Variants in CD200 observed in about 807,000 individuals in gnomAD.
The protein encoded by CD200 is CD200 molecule, also known as OX-2 membrane glycoprotein.
CD200 carries 15 observed loss-of-function variants against 30.9 expected under a neutral mutation model. The ratio of observed to expected loss-of-function variants is 0.49; its 90% CI spans 0.32 to 0.75. The LOEUF (loss-of-function observed/expected upper bound fraction) is 0.75. Among genes scored for constraint, CD200 ranks in the 30% least tolerant of loss-of-function variants. The probability of loss-of-function intolerance (pLI) is 0.03; values close to 1 mark genes in which losing one functional copy is unlikely to be tolerated. For missense variants in CD200, 262 were observed against 324.2 expected, an observed-to-expected ratio of 0.81 and a Z score of 1.47; for synonymous variants, 134 against 126.2, an observed-to-expected ratio of 1.06 and a Z score of -0.41.
chr3:112,358,088 A>G (rs975401405), intron 5 of CD200, among the ~76,000 whole-genome samples: 7 of 152,000 alleles, frequency 4.6e-5, no homozygotes, highest in Non-Finnish European at 8.8e-5. Context: ...ACGCGCACAC[A>G]CACGCACACG....
In CD200 at chr3:112,362,552, T is replaced by C. The variant is rs1256161009; in HGVS notation, c.*1002T>C. 1.3e-5 allele frequency: 2 copies of C among 152,644 alleles called. No homozygotes were observed. The highest frequency in any genetic ancestry group is 3.9e-4 in the East Asian group (2 of 5,194). 9.5% of individuals were successfully genotyped at this position (152,644 alleles called of 1,614,324 possible). On this transcript the variant is annotated 3_prime_UTR_variant, in exon 6 of 6. Transcript: ENST00000315711. ...ATAGCAGAGGAGGCAAATATGAGCA[T>C]ACAATCCCTTTGTTCTAAAGATATT...
At position 112,362,259 on chromosome 3, in the gene CD200, A is replaced by G. The variant is rs989888325; in HGVS notation, c.*709A>G. On this transcript the variant is annotated 3_prime_UTR_variant, in exon 6 of 6. Coordinates refer to ENST00000315711, the MANE Select transcript of CD200 (RefSeq NM_005944.7). ...GAATTTATTGTGAAGTAACATTGGC[A>G]ATCTTAACTTATTCATTTAACTTAT... 1 of 152,232 alleles carries G rather than the reference A, an allele frequency of 6.6e-6. No individual in the cohort carries two copies. Among genetic ancestry groups the G allele is most frequent in the African/African-American group, 2.4e-5 (1 of 41,456 alleles). The allele number at this position is 152,232 out of a possible 1,614,324, so 9.4% of individuals were successfully genotyped here.
rs2081744096 is a variant in CD200, at chr3:112,361,628, G to A, written c.*78G>A. The A allele has an allele frequency of 3.8e-6, 5 of 1,326,688 alleles. No individual in the cohort carries two copies. 82.2% of individuals were successfully genotyped at this position (1,326,688 alleles called of 1,614,324 possible). ...CAAGAGAAAAGCAGGAGGAAAAGGG[G>A]CCATTCTCCAAAGGACCTGAAAGAG... On this transcript the variant is annotated 3_prime_UTR_variant, in exon 6 of 6. Coordinates refer to ENST00000315711, the MANE Select transcript of CD200 (RefSeq NM_005944.7).
chr3:112,334,209 A>G, intron 1 of CD200: 1 of 985,370 alleles, frequency 1.0e-6, no homozygotes, highest in Non-Finnish European at 1.2e-6. Context: ...AGTCCTTGTG[A>G]CTACATGTGG....
At chr3:112,353,195 G>A (rs2081566630) in intron 5 of CD200, among the ~76,000 whole-genome samples, 1 of 152,058 alleles carries the variant, frequency 6.6e-6, no homozygotes, top group Non-Finnish European at 1.5e-5. Flanking sequence ...TTTCTCATTA[G>A]TCAACCCACC....
At chr3:112,357,156 G>A (rs748146389) in intron 5 of CD200, among the ~76,000 whole-genome samples, 3 of 151,534 alleles carry the variant, frequency 2.0e-5, no homozygotes, top group Non-Finnish European at 2.9e-5. Context: ...AGCTACTCGG[G>A]AGGCTGAGGC....
In CD200 at chr3:112,356,488, G is replaced by A. The variant is rs1419524974; in HGVS notation, c.803-5055G>A. On this transcript the variant is annotated intron_variant, in intron 5 of 5. Transcript: ENST00000315711. ...TTGCCTCACATACTTATTTTTTTGT[G>A]GTATGAACACATAAAATCTACTCTG... Among the ~76,000 whole-genome samples, 7 of 151,756 alleles carry A rather than the reference G, an allele frequency of 4.6e-5. No homozygotes were observed. The East Asian group carries it at 1.3e-3, about 29-fold the overall frequency.
chr3:112,342,354 T>C (rs746320109), intron 2 of CD200, among the ~76,000 whole-genome samples: 7,451 of 18,402 alleles, frequency 0.4, 1,613 homozygotes, highest in Middle Eastern at 0.47. Flanking sequence ...TCTTTCTTTC[T>C]TTCTTTCTTT....
At chr3:112,347,099 T>G (rs80091595) in intron 3 of CD200, among the ~76,000 whole-genome samples, 3,446 of 152,342 alleles carry the variant, frequency 0.023, 54 homozygotes, top group Non-Finnish European at 0.03. Flanking sequence ...ATGGGCTCTC[T>G]GTTCCAAAAC....
At chr3:112,338,554 A>G (rs2081169870) in intron 1 of CD200, among the ~76,000 whole-genome samples, 1 of 152,190 alleles carries the variant, frequency 6.6e-6, no homozygotes, top group African/African-American at 2.4e-5. Context: ...GCATGTTTGT[A>G]GGTGCTGAGC....
At chr3:112,343,821 C>CT (rs2081323911) in intron 2 of CD200, among the ~76,000 whole-genome samples, 1 of 152,064 alleles carries the variant, frequency 6.6e-6, no homozygotes, top group East Asian at 1.9e-4. Flanking sequence ...TTGAAAAATA[C>CT]TTTTTCCCTT....
intron 5 of CD200, among the ~76,000 whole-genome samples, chr3:112,357,271 A>AAAAAGAAAGAAAG (rs1553720695): frequency 7.2e-5 from 10 of 139,738 alleles, no homozygotes; most frequent in Non-Finnish European, 1.5e-4. Context: ...AAAAAAAAAA[A>AAAAAGAAAGAAAG]AAAGAAAGAA....
rs184925112 is a variant in CD200 at position 112,357,632 on chromosome 3, G to A, written c.803-3911G>A. 9.2e-4 allele frequency among the ~76,000 whole-genome samples: 140 copies of A among 152,312 alleles called. 1 individual carries two copies. The highest frequency in any genetic ancestry group is 8.8e-4 in the Non-Finnish European group (60 of 68,028). Reference sequence around the variant, plus strand: ...GACAAACAGGAATTGTAGCAGTTAGGACAGCTTTGAGGAAGATTTCAGGTT... The same window carrying A: ...GACAAACAGGAATTGTAGCAGTTAGAACAGCTTTGAGGAAGATTTCAGGTT... On this transcript the variant is annotated intron_variant, in intron 5 of 5. Transcript: ENST00000315711.
At chr3:112,333,966 G>A (rs1163278849) in intron 1 of CD200, 3 of 984,782 alleles carry the variant, frequency 3.0e-6, no homozygotes, top group Non-Finnish European at 3.6e-6. Context: ...CAATGGTATT[G>A]GTATAAGAAT....
intron 2 of CD200, among the ~76,000 whole-genome samples, chr3:112,342,314 TTTCTTTCTTTCTTTCTTTCTTTCC>T (rs1559782868): frequency 1.5e-4 from 3 of 20,566 alleles, no homozygotes; most frequent in African/African-American, 2.6e-4. Context: ...TCCTTTCTTC[TTTCTTTCTTTCTTTCTTTCTTTCC>T]TTCTTTCTTT....
intron 1 of CD200, 146 bp downstream of exon 1, chr3:112,333,370 G>A (rs2081040748): frequency 2.1e-6 from 3 of 1,414,514 alleles, no homozygotes; most frequent in South Asian, 3.0e-5. Context: ...GTTGATGGCA[G>A]CGCTTTTCTC....
In CD200 at chr3:112,334,764, A is replaced by G. The variant is rs533129938; in HGVS notation, c.12+1540A>G. Among the ~76,000 whole-genome samples, 7 of 152,194 alleles carry G rather than the reference A, an allele frequency of 4.6e-5. No individual in the cohort carries two copies. In the East Asian group the frequency reaches 9.6e-4, roughly 21 times the overall value. On this transcript the variant is annotated intron_variant, in intron 1 of 5. Coordinates refer to ENST00000315711, the MANE Select transcript of CD200 (RefSeq NM_005944.7). ...AGACTCGAGGAAAAAAAAAACCTGT[A>G]AAATAAAAATACGTATCTATTTAAG...
rs142550030 is a variant in CD200 at position 112,358,155 on chromosome 3, T to A, written c.803-3388T>A. 9.7e-4 allele frequency among the ~76,000 whole-genome samples: 147 copies of A among 152,250 alleles called. 1 individual carries two copies. In the East Asian group the frequency reaches 0.015, roughly 16 times the overall value. On this transcript the variant is annotated intron_variant, in intron 5 of 5. Transcript: ENST00000315711. ...TTTGGACATGCCAATTTACATAACA[T>A]GCAGTACGTGTTTGGGATGTGGGGG...
intron 4 of CD200, 106 bp from the exon 5 acceptor site, chr3:112,349,606 A>T: frequency 1.4e-6 from 1 of 733,756 alleles, no homozygotes; most frequent in Non-Finnish European, 2.1e-6. Context: ...ATAAACCTAC[A>T]TATGTATGTA....
Sources: allele counts gnomAD v4.1 joint callset (sites outside exome capture counted in the v4.1 genomes callset), GRCh38; gene constraint gnomAD v4.1.1; transcripts MANE v1.5; gene names NCBI Gene and HGNC (gene_info 2026-07-23, HGNC 2026-07-21).